MAP2K5: variants seen among roughly 807,000 people sequenced by gnomAD.
The protein encoded by MAP2K5 is mitogen-activated protein kinase kinase 5.
In MAP2K5, 49 loss-of-function variants were observed where a neutral mutation model predicts 83.1. That is an observed-to-expected ratio of 0.59 (90% CI 0.47 to 0.75). MAP2K5 has a LOEUF of 0.75. Among genes scored for constraint, MAP2K5 ranks in the 30% least tolerant of loss-of-function variants. The pLI is 0.00. For missense variants in MAP2K5, 457 were observed against 557.5 expected, an observed-to-expected ratio of 0.82 and a Z score of 1.82; for synonymous variants, 202 against 191.8, an observed-to-expected ratio of 1.05 and a Z score of -0.44.
Position 67,586,905 on chromosome 15 carries a change from A to C in MAP2K5, c.423A>C (p.Pro141=), listed in dbSNP as rs2085303662. The C allele has an allele frequency of 2.5e-6, 4 of 1,614,182 alleles. No homozygotes were observed. Among genetic ancestry groups the C allele is most frequent in the Non-Finnish European group, 3.4e-6 (4 of 1,180,026 alleles). The stretch of plus-strand genomic sequence containing the variant: ...GCCCAGCAGTCTCAGATTCACTTCC[A>C]AGCAATAGGTGCGAGCGAGCAAGTA... ...HSSPAVSDSL[P]SNSLKKSSAE... Residue 141 remains proline (P), a synonymous_variant, in exon 6 of 22, where the codon CCA becomes CCC. Transcript: ENST00000178640.
chr15:67,701,816 C>G (rs1257455495), intron 15 of MAP2K5, among the ~76,000 whole-genome samples: 1 of 152,220 alleles, frequency 6.6e-6, no homozygotes, highest in Non-Finnish European at 1.5e-5. Flanking sequence ...TTGAGAAATA[C>G]TGACCAGCTC....
rs1250363953 is a variant in MAP2K5 at position 67,702,221 on chromosome 15, A to G, written c.973-1116A>G. ...CCTCATCTGTTAAATGGTGATGATAAAATAGTACCAATATTACATGGATGT... is the reference window on the plus strand; with the variant it reads ...CCTCATCTGTTAAATGGTGATGATAGAATAGTACCAATATTACATGGATGT... On this transcript the variant is annotated intron_variant, in intron 15 of 21. Transcript: ENST00000178640. This position sits in a 1 kb window ranked among gnomAD's most constrained non-coding sequence, Gnocchi z 4.6. 1.3e-5 allele frequency among the ~76,000 whole-genome samples: 2 copies of G among 152,206 alleles called. No homozygotes were observed. The highest frequency in any genetic ancestry group is 4.8e-5 in the African/African-American group (2 of 41,448).
chr15:67,714,835 T>C (rs1371034558), intron 16 of MAP2K5, among the ~76,000 whole-genome samples: 2 of 152,144 alleles, frequency 1.3e-5, no homozygotes, highest in Admixed American at 6.6e-5. Flanking sequence ...TTGGGGATGC[T>C]GGTAAGTATA....
intron 20 of MAP2K5, among the ~76,000 whole-genome samples, chr15:67,772,402 G>A (rs553076405): frequency 1.5e-4 from 23 of 152,064 alleles, no homozygotes; most frequent in South Asian, 4.1e-4. Context: ...TTTCACATTC[G>A]CTTCAAAAGT....
At chr15:67,715,436 T>C (rs2088807362) in intron 16 of MAP2K5, among the ~76,000 whole-genome samples, 1 of 152,182 alleles carries the variant, frequency 6.6e-6, no homozygotes, top group Non-Finnish European at 1.5e-5. Flanking sequence ...CAAAGTGAAG[T>C]GTTTCCCACT....
At chr15:67,752,030 C>T (rs1485108213) in intron 19 of MAP2K5, among the ~76,000 whole-genome samples, 1 of 152,062 alleles carries the variant, frequency 6.6e-6, no homozygotes, top group East Asian at 1.9e-4. Flanking sequence ...ACAACCTGAC[C>T]GTCTGTCTTC....
chr15:67,631,002 T>C, intron 9 of MAP2K5, 75 bp downstream of exon 9: 1 of 1,207,082 alleles, frequency 8.3e-7, no homozygotes. Flanking sequence ...GAGTCACAGA[T>C]ATTGTCAAAG....
rs1480259828 is a variant in MAP2K5, at chr15:67,781,813, T to G, written c.1242+9061T>G. ...AGGCTTCTGAATGGCCTGCATCTCT[T>G]TCTAAATTTGAGGGGGAGGGGGATT... On this transcript the variant is annotated intron_variant, in intron 21 of 21. Transcript: ENST00000178640. This position sits in a 1 kb window ranked among gnomAD's most constrained non-coding sequence, Gnocchi z 4.0. 6.6e-6 allele frequency among the ~76,000 whole-genome samples: 1 copy of G among 152,200 alleles called. No homozygotes were observed. The highest frequency in any genetic ancestry group is 2.4e-5 in the African/African-American group (1 of 41,462).
chr15:67,784,184 A>C (rs1445117194), intron 21 of MAP2K5, among the ~76,000 whole-genome samples: 1 of 152,162 alleles, frequency 6.6e-6, no homozygotes, highest in African/African-American at 2.4e-5. Context: ...CATTTTACTG[A>C]TGCATAAACT....
rs199880386 is a variant in MAP2K5, at chr15:67,565,234, A to AT, written c.252+1893dup. The stretch of plus-strand genomic sequence containing the variant: ...TTTTTTTATGTCATCACTGTTATTT[A>AT]TTTTTTTTTCTCCGAGATGGAGTCT... On this transcript the variant is annotated intron_variant, in intron 3 of 21. Transcript: ENST00000178640. The surrounding 1 kb of genome is among the most constrained non-coding windows in gnomAD (Gnocchi z 4.1). Among the ~76,000 whole-genome samples the AT allele has an allele frequency of 8.0e-4, 121 of 150,330 alleles. No individual in the cohort carries two copies. Among genetic ancestry groups the AT allele is most frequent in the East Asian group, 6.9e-3 (35 of 5,104 alleles).
intron 20 of MAP2K5, among the ~76,000 whole-genome samples, chr15:67,771,291 A>C (rs1028371682): frequency 6.6e-6 from 1 of 152,190 alleles, no homozygotes; most frequent in African/African-American, 2.4e-5. Context: ...TGGTTTGGGC[A>C]TCACCCTCTC....
In MAP2K5 at chr15:67,759,140, T is replaced by C. The variant is rs567196434; in HGVS notation, c.1135-10462T>C. 2.6e-4 allele frequency among the ~76,000 whole-genome samples: 39 copies of C among 152,270 alleles called. No individual in the cohort carries two copies. The South Asian group carries it at 6.0e-3, about 23-fold the overall frequency. On this transcript the variant is annotated intron_variant, in intron 19 of 21. Transcript: ENST00000178640. ...TGTGTTATCTTAAAAAATTCATTCA[T>C]GTAGAATCACTCACTCCTAGGCAGG...
At chr15:67,669,757 A>C (rs929592698) in intron 13 of MAP2K5, among the ~76,000 whole-genome samples, 2 of 146,318 alleles carry the variant, frequency 1.4e-5, no homozygotes, top group African/African-American at 5.1e-5. Context: ...TGCTAAAAAT[A>C]CTTCTTGCTA....
At chr15:67,804,416 G>T (rs554337175) in intron 21 of MAP2K5, among the ~76,000 whole-genome samples, 1 of 152,342 alleles carries the variant, frequency 6.6e-6, no homozygotes, top group African/African-American at 2.4e-5. Flanking sequence ...GATACAACAT[G>T]CCTCAGCAGC....
rs1047960044 is a variant in MAP2K5 at position 67,781,663 on chromosome 15, TAGG to T, written c.1242+8914_1242+8916del. ...ATATAAATGGTCACTGATTCTGAAGTAGGAGAATAGGTACCATTCATTTATTTG... is the reference window on the plus strand; with the variant it reads ...ATATAAATGGTCACTGATTCTGAAGTAGAATAGGTACCATTCATTTATTTG... On this transcript the variant is annotated intron_variant, in intron 21 of 21. Coordinates refer to ENST00000178640, the MANE Select transcript of MAP2K5 (RefSeq NM_145160.3). This position sits in a 1 kb window ranked among gnomAD's most constrained non-coding sequence, Gnocchi z 4.0. 3.3e-5 allele frequency among the ~76,000 whole-genome samples: 5 copies of T among 152,186 alleles called. No individual in the cohort carries two copies. The highest frequency in any genetic ancestry group is 1.2e-4 in the African/African-American group (5 of 41,458).
chr15:67,685,106 A>G (rs1039254598), intron 13 of MAP2K5, among the ~76,000 whole-genome samples: 7 of 152,214 alleles, frequency 4.6e-5, no homozygotes, highest in African/African-American at 1.7e-4. Flanking sequence ...CTAAGAACTC[A>G]ATGAACCCTA....
intron 13 of MAP2K5, among the ~76,000 whole-genome samples, chr15:67,674,009 C>G (rs549898443): frequency 5.9e-5 from 9 of 151,994 alleles, no homozygotes; most frequent in African/African-American, 2.2e-4. Flanking sequence ...CCTCCATGCC[C>G]GGCTAATTTT....
intron 4 of MAP2K5, among the ~76,000 whole-genome samples, chr15:67,583,457 G>A (rs1187356141): frequency 1.3e-5 from 2 of 152,012 alleles, no homozygotes; most frequent in Non-Finnish European, 2.9e-5. Context: ...ATATGAGACT[G>A]TCTTTTTATT....
In MAP2K5 at chr15:67,757,572, C is replaced by T. The variant is rs1399886358; in HGVS notation, c.1134+8971C>T. ...AGTCATTCTGTAAACCTGTGTTAAT[C>T]CCAGAGCTCGGTACCGGGGATAGAG... On this transcript the variant is annotated intron_variant, in intron 19 of 21. Transcript: ENST00000178640. This position sits in a 1 kb window ranked among gnomAD's most constrained non-coding sequence, Gnocchi z 4.9. Among the ~76,000 whole-genome samples, 1 of 152,112 alleles carries T rather than the reference C, an allele frequency of 6.6e-6. No homozygotes were observed. The highest frequency in any genetic ancestry group is 2.4e-5 in the African/African-American group (1 of 41,414).
Sources: allele counts gnomAD v4.1 joint callset (sites outside exome capture counted in the v4.1 genomes callset), GRCh38; gene constraint gnomAD v4.1.1; non-coding constraint Gnocchi (gnomAD v3.1); transcripts MANE v1.5; gene names NCBI Gene and HGNC (gene_info 2026-07-23, HGNC 2026-07-21).